CAST: variants seen among roughly 807,000 people sequenced by gnomAD.
CAST encodes the protein MIR583 host.
In CAST, 76 loss-of-function variants were observed where a neutral mutation model predicts 119.6. The observed-to-expected ratio is 0.64, with a 90% CI of 0.53 to 0.77. The LOEUF (loss-of-function observed/expected upper bound fraction) is 0.77, where lower values mean the gene tolerates loss of function less well. CAST is among the 30% of genes least tolerant of loss of function. The pLI is 0.00. For synonymous variants in CAST, 319 were observed against 331.6 expected, an observed-to-expected ratio of 0.96 and a Z score of 0.41; for missense variants, 953 against 946.5, an observed-to-expected ratio of 1.01 and a Z score of -0.09.
Position 96,643,428 on chromosome 5 carries a change from G to A in CAST, c.61-32111G>A, listed in dbSNP as rs562073294. ...GAGGGGACAGATGTGAGGATAGGAA[G>A]GTGATAGCTAAAGAGTTTGGAGTTT... On this transcript the variant is annotated intron_variant, in intron 1 of 11. Transcript: ENST00000505143. 5.4e-4 allele frequency among the ~76,000 whole-genome samples: 82 copies of A among 152,294 alleles called. 1 individual carries two copies. The highest frequency in any genetic ancestry group is 1.0e-3 in the Non-Finnish European group (68 of 68,006).
the CAST span, among the ~76,000 whole-genome samples, chr5:96,283,141 A>AAAAAAAG: frequency 2.6e-5 from 4 of 151,336 alleles, no homozygotes; most frequent in African/African-American, 9.7e-5. Context: ...AAAAAAAAAA[A>AAAAAAAG]AAAAGAAAAA....
At chr5:96,680,846 A>T (rs143112439) in intron 2 of CAST, among the ~76,000 whole-genome samples, 3 of 152,362 alleles carry the variant, frequency 2.0e-5, no homozygotes, top group Non-Finnish European at 4.4e-5. Context: ...ACATTTTAAC[A>T]TTCTTTTATG....
At chr5:96,393,362 T>C in the CAST span, 1 of 1,613,966 alleles carries the variant, frequency 6.2e-7, no homozygotes, top group South Asian at 1.1e-5. Flanking sequence ...CTTAGGGTTC[T>C]CTTGTGTGGG....
chr5:96,491,070 G>A, the CAST span, among the ~76,000 whole-genome samples: 2 of 151,884 alleles, frequency 1.3e-5, no homozygotes, highest in African/African-American at 4.8e-5. Flanking sequence ...ATAGGCAAAA[G>A]AGCAAAAGAG....
At chr5:96,363,447 T>C in the CAST span, among the ~76,000 whole-genome samples, 3 of 152,314 alleles carry the variant, frequency 2.0e-5, no homozygotes, top group South Asian at 4.1e-4. Context: ...TTTCACGATA[T>C]TGATTCTTCC....
At chr5:96,179,758 C>T in the CAST span, among the ~76,000 whole-genome samples, 4 of 152,124 alleles carry the variant, frequency 2.6e-5, no homozygotes, top group South Asian at 2.1e-4. Context: ...GAGTGTAGGC[C>T]GGGCGCGGTG....
intron 1 of CAST, among the ~76,000 whole-genome samples, chr5:96,549,211 A>G (rs1049713203): frequency 1.3e-5 from 2 of 152,260 alleles, no homozygotes; most frequent in Admixed American, 6.5e-5. Flanking sequence ...GCACATGAAT[A>G]CACAAGTCAA....
At chr5:96,360,804 A>G in the CAST span, among the ~76,000 whole-genome samples, 2 of 152,326 alleles carry the variant, frequency 1.3e-5, no homozygotes, top group African/African-American at 2.4e-5. Context: ...CAGGAGGCAC[A>G]GGGGTCAGGG....
intron 1 of CAST, among the ~76,000 whole-genome samples, chr5:96,557,933 A>T (rs1268845833): frequency 6.6e-6 from 1 of 152,200 alleles, no homozygotes; most frequent in Admixed American, 6.5e-5. Context: ...CACCTATTCC[A>T]AAACTGACCA....
At chr5:96,144,199 TATC>T in the CAST span, among the ~76,000 whole-genome samples, 10 of 152,220 alleles carry the variant, frequency 6.6e-5, no homozygotes, top group Non-Finnish European at 1.3e-4. Context: ...ATTTGAAAGT[TATC>T]ATTAAGAATT....
intron 1 of CAST, among the ~76,000 whole-genome samples, chr5:96,577,153 G>T (rs180866432): frequency 3.3e-5 from 5 of 152,098 alleles, no homozygotes; most frequent in African/African-American, 1.2e-4. Flanking sequence ...CCCAGTTTGT[G>T]GTTTTTCAGG....
At chr5:96,297,972 T>C in the CAST span, among the ~76,000 whole-genome samples, 1 of 152,214 alleles carries the variant, frequency 6.6e-6, no homozygotes, top group Non-Finnish European at 1.5e-5. Flanking sequence ...AATAGAGAAA[T>C]GTAGAAGCAT....
chr5:96,446,396 G>T, the CAST span, among the ~76,000 whole-genome samples: 1 of 152,002 alleles, frequency 6.6e-6, no homozygotes, highest in Non-Finnish European at 1.5e-5. Context: ...CTGTAATTTT[G>T]GGGCTTTTTT....
the CAST span, among the ~76,000 whole-genome samples, chr5:96,469,876 T>TA: frequency 8.0e-5 from 8 of 100,074 alleles, no homozygotes; most frequent in East Asian, 2.9e-4. Context: ...TATATATATA[T>TA]ATAATATATA....
chr5:96,539,183 G>A (rs1004883320), intron 1 of CAST, among the ~76,000 whole-genome samples: 5 of 152,152 alleles, frequency 3.3e-5, no homozygotes, highest in Admixed American at 6.5e-5. Context: ...TCAAAGTTCA[G>A]GGATATAGTG....
Position 96,568,487 on chromosome 5 carries a change from C to G in CAST, c.60+38607C>G, listed in dbSNP as rs539231533. On this transcript the variant is annotated intron_variant, in intron 1 of 11. Transcript: ENST00000505143. ...GGCTAAGGCAGGAGAATCACTTGAACCTGGGAGGCAGAGTTTGCAGTGAGC... is the reference window on the plus strand; with the variant it reads ...GGCTAAGGCAGGAGAATCACTTGAAGCTGGGAGGCAGAGTTTGCAGTGAGC... Among the ~76,000 whole-genome samples the G allele has an allele frequency of 7.4e-3, 1,061 of 144,050 alleles. 4 individuals are homozygous for G. The highest frequency in any genetic ancestry group is 8.0e-3 in the Admixed American group (108 of 13,574). The allele number at this position is 144,050 out of a possible 152,430, so 94.5% of individuals were successfully genotyped here.
chr5:96,692,486 A>G (rs1021587969), intron 2 of CAST, among the ~76,000 whole-genome samples: 3 of 152,172 alleles, frequency 2.0e-5, no homozygotes, highest in Admixed American at 6.6e-5. Context: ...ATTTTGTTTC[A>G]TCTCATACCA....
chr5:96,597,219 T>C (rs779789165), intron 1 of CAST, among the ~76,000 whole-genome samples: 3 of 152,344 alleles, frequency 2.0e-5, no homozygotes, highest in Non-Finnish European at 2.9e-5. Context: ...AAAACATCTT[T>C]TAATTTTCAT....
chr5:96,541,523 T>C (rs1745912936), intron 1 of CAST, among the ~76,000 whole-genome samples: 1 of 152,204 alleles, frequency 6.6e-6, no homozygotes. Context: ...TGTAAAGCTC[T>C]ACAGGTTTTG....
Sources: allele counts gnomAD v4.1 joint callset (sites outside exome capture counted in the v4.1 genomes callset), GRCh38; gene constraint gnomAD v4.1.1; transcripts MANE v1.5; gene names NCBI Gene and HGNC (gene_info 2026-07-23, HGNC 2026-07-21).